Variants in ARHGEF5 observed in about 807,000 individuals in gnomAD.
ARHGEF5 encodes the protein Rho guanine nucleotide exchange factor (GEF) 5.
In ARHGEF5, 11 loss-of-function variants were observed where a neutral mutation model predicts 104.0. That is an observed-to-expected ratio of 0.11 (90% CI 0.07 to 0.18). ARHGEF5 has a LOEUF of 0.18. Ranked by LOEUF, ARHGEF5 falls within the 10% of genes least tolerant of loss-of-function variation. ARHGEF5 has a pLI of 1.00. For missense variants in ARHGEF5, 165 were observed against 1,335.4 expected (o/e 0.12, Z 13.66); for synonymous variants, 60 against 512.2 (o/e 0.12, Z 11.92).
At chr7:144,379,546 G>T (rs769571460) in intron 14 of ARHGEF5, among the ~76,000 whole-genome samples, 1 of 152,136 alleles carries the variant, frequency 6.6e-6, no homozygotes, top group African/African-American at 2.4e-5. Context: ...CTGTTATACT[G>T]GATTAATGGC....
chr7:144,358,833 C>A (rs1238862231), intron 1 of ARHGEF5, among the ~76,000 whole-genome samples: 1 of 128,390 alleles, frequency 7.8e-6, no homozygotes, highest in East Asian at 2.2e-4. Flanking sequence ...GGACAGTATT[C>A]TGAGCAGGTG....
rs7806384 is a variant in ARHGEF5 at position 144,380,078 on chromosome 7, G to T, written c.*22G>T. On this transcript the variant is annotated 3_prime_UTR_variant, in exon 15 of 15. Coordinates refer to ENST00000056217, the MANE Select transcript of ARHGEF5 (RefSeq NM_005435.4). ...CTAAGTCTTCTCTGAGAGGAGTTTC[G>T]TGAGCTGAAGAACAAGCTGCTCATG... The T allele has an allele frequency of 3.1e-6, 5 of 1,613,392 alleles. No individual in the cohort carries two copies. In the Admixed American group the frequency reaches 5.0e-5, roughly 16 times the overall value.
In ARHGEF5 at chr7:144,380,208, C is replaced by G. The variant is rs2053791424; in HGVS notation, c.*152C>G. On this transcript the variant is annotated 3_prime_UTR_variant, in exon 15 of 15. Coordinates refer to ENST00000056217, the MANE Select transcript of ARHGEF5 (RefSeq NM_005435.4). Reference sequence around the variant, plus strand: ...ATCCAGCTAACCCAGTCCCTCGGCCCAGGCCTCCTTTCGTGCTTTGTGCTT... The same window carrying G: ...ATCCAGCTAACCCAGTCCCTCGGCCGAGGCCTCCTTTCGTGCTTTGTGCTT... The G allele has an allele frequency of 5.0e-6, 5 of 992,802 alleles. No individual in the cohort carries two copies. The South Asian group carries it at 8.6e-5, about 17-fold the overall frequency. The allele number at this position is 992,802 out of a possible 1,614,324, so 61.5% of individuals were successfully genotyped here.
At position 144,380,042 on chromosome 7, in the gene ARHGEF5, G is replaced by A. The variant is rs755821434; in HGVS notation, c.4780G>A (p.Glu1594Lys). 5 of 1,614,194 alleles carry A rather than the reference G, an allele frequency of 3.1e-6. No homozygotes were observed. Among genetic ancestry groups the A allele is most frequent in the Admixed American group, 1.7e-5 (1 of 60,020 alleles). Reference sequence around the variant, plus strand: ...CAAGACTGCCAAACTACAGCTGGTGGAACAGCAAGCCTAAGTCTTCTCTGA... The same window carrying A: ...CAAGACTGCCAAACTACAGCTGGTGAAACAGCAAGCCTAAGTCTTCTCTGA... ...RVKTAKLQLV[E>K]QQA The change falls in exon 15 of 15, where the codon GAA becomes AAA. Residue 1594 changes from glutamate to lysine, a missense_variant. Glu to Lys is a moderately conservative substitution (Grantham distance 56). Coordinates refer to ENST00000056217, the MANE Select transcript of ARHGEF5 (RefSeq NM_005435.4).
Position 144,358,768 on chromosome 7 carries a change from T to A in ARHGEF5, c.-13+3267T>A, listed in dbSNP as rs2053614815. Among the ~76,000 whole-genome samples, 9 of 125,508 alleles carry A rather than the reference T, an allele frequency of 7.2e-5. 1 individual carries two copies. In the South Asian group the frequency reaches 2.6e-3, roughly 36 times the overall value. The allele number at this position is 125,508 out of a possible 152,430, so 82.3% of individuals were successfully genotyped here. On this transcript the variant is annotated intron_variant, in intron 1 of 14. Coordinates refer to ENST00000056217, the MANE Select transcript of ARHGEF5 (RefSeq NM_005435.4). ...TTGTAAGGATGGCTCAGTGTGTGTG[T>A]GTGTGTGTGTGTGTGTGTGTGTGTG...
Position 144,365,700 on chromosome 7 carries a change from TCAGGGAGGCCAC to T in ARHGEF5, c.3037_3048del (p.Arg1013_Gly1016del). The stretch of plus-strand genomic sequence containing the variant: ...GTCCAGCTGGCCCCACAGGCGGGAC[TCAGGGAGGCCAC>T]CAGGGGACAGCAGTGGACAGGCTGT... On this transcript the variant is annotated inframe_deletion, in exon 2 of 15. Transcript: ENST00000056217. 1 of 420,084 alleles carries T rather than the reference TCAGGGAGGCCAC, an allele frequency of 2.4e-6. No homozygotes were observed. Among genetic ancestry groups the T allele is most frequent in the Non-Finnish European group, 4.0e-6 (1 of 248,520 alleles). 26.0% of individuals were successfully genotyped at this position (420,084 alleles called of 1,614,324 possible). A position where few individuals can be genotyped will look rare whatever the true frequency, so the allele number is the denominator to read the frequency against.
At chr7:144,357,732 G>C (rs1372603251) in intron 1 of ARHGEF5, among the ~76,000 whole-genome samples, 11 of 151,862 alleles carry the variant, frequency 7.2e-5, no homozygotes, top group Admixed American at 1.3e-4. Context: ...TGTTGGGGGG[G>C]GCTCTAGGGA....
chr7:144,379,975 C>T lies in ARHGEF5; in HGVS notation c.4713C>T (p.Asn1571=). The part of the protein sequence containing the change: ...FPVQQVEFIS[N]PEVRAQNLKE... ...TGCAGCAGGTGGAGTTCATTTCCAA[C>T]CCAGAGGTCCGTGCACAGAACCTGA... Residue 1571 remains asparagine, a synonymous_variant, in exon 15 of 15, where the codon AAC becomes AAT. Transcript: ENST00000056217. 6.2e-7 allele frequency: 1 copy of T among 1,614,194 alleles called. No homozygotes were observed. Among genetic ancestry groups the T allele is most frequent in the Non-Finnish European group, 8.5e-7 (1 of 1,180,036 alleles).
intron 13 of ARHGEF5, among the ~76,000 whole-genome samples, chr7:144,377,761 A>G (rs144285527): frequency 6.6e-6 from 1 of 152,160 alleles, no homozygotes; most frequent in East Asian, 1.9e-4. Context: ...AGAGAATCTG[A>G]CCTCAACCCT....
In ARHGEF5 at chr7:144,378,786, G is replaced by C; in HGVS notation, c.4556G>C (p.Arg1519Pro). The change falls in exon 14 of 15, where the codon CGA becomes CCA. Residue 1519 changes from arginine (R) to proline (P), a missense_variant. Physicochemically the swap from Arg to Pro is moderately radical, Grantham distance 103. Coordinates refer to ENST00000056217, the MANE Select transcript of ARHGEF5 (RefSeq NM_005435.4). ...CYNSPQVQCLRAYKPRENDEL... is the reference protein window; with the variant it reads ...CYNSPQVQCLPAYKPRENDEL... ...GACTCCCCCCAGGTACAGTGCCTTCGAGCCTACAAGCCCCGAGAGAATGAT... is the reference window on the plus strand; with the variant it reads ...GACTCCCCCCAGGTACAGTGCCTTCCAGCCTACAAGCCCCGAGAGAATGAT... The C allele has an allele frequency of 2.5e-6, 4 of 1,613,882 alleles. No homozygotes were observed. Among genetic ancestry groups the C allele is most frequent in the Non-Finnish European group, 3.4e-6 (4 of 1,179,940 alleles).
chr7:144,373,135 T>A, intron 9 of ARHGEF5, 60 bp from the exon 10 acceptor site: 2 of 967,902 alleles, frequency 2.1e-6, no homozygotes, highest in South Asian at 1.4e-5. Flanking sequence ...TGCAAGGGAC[T>A]CAAAGGTCAA....
intron 5 of ARHGEF5, among the ~76,000 whole-genome samples, chr7:144,370,779 T>A (rs1285740029): frequency 6.9e-6 from 1 of 144,018 alleles, no homozygotes; most frequent in East Asian, 2.0e-4. Context: ...TTAGCTTTTT[T>A]AATATAAATT....
At chr7:144,378,927 GTGTT>G in intron 14 of ARHGEF5, 61 bp downstream of exon 14, 1 of 1,495,630 alleles carries the variant, frequency 6.7e-7, no homozygotes, top group Non-Finnish European at 9.3e-7. Context: ...TGCTGGGAGT[GTGTT>G]CACTTCCTGC....
At chr7:144,377,989 G>T (rs1210642237) in intron 13 of ARHGEF5, among the ~76,000 whole-genome samples, 2 of 152,092 alleles carry the variant, frequency 1.3e-5, no homozygotes, top group Non-Finnish European at 2.9e-5. Context: ...AAATAGTAAT[G>T]CAGTATTCCA....
intron 14 of ARHGEF5, 142 bp downstream of exon 14, chr7:144,379,008 C>A: frequency 2.4e-6 from 2 of 816,474 alleles, no homozygotes; most frequent in Non-Finnish European, 3.9e-6. Flanking sequence ...TCTCACAGTT[C>A]TGGAGGCAAG....
intron 13 of ARHGEF5, among the ~76,000 whole-genome samples, chr7:144,378,061 A>T (rs1447026042): frequency 6.6e-6 from 1 of 152,216 alleles, no homozygotes; most frequent in Non-Finnish European, 1.5e-5. Context: ...CCCACATATG[A>T]TGGAATACTG....
chr7:144,373,266 G>T lies in ARHGEF5; in HGVS notation c.4122G>T (p.Lys1374Asn). The T allele has an allele frequency of 6.9e-7, 1 of 1,450,312 alleles. No individual in the cohort carries two copies. Among genetic ancestry groups the T allele is most frequent in the East Asian group, 2.4e-5 (1 of 42,176 alleles). The allele number at this position is 1,450,312 out of a possible 1,614,324, so 89.8% of individuals were successfully genotyped here. The change falls in exon 10 of 15, where the codon AAG (lysine) becomes AAT (asparagine). Residue 1374 changes from lysine (K) to asparagine (N), a missense_variant. By Grantham distance (94) the Lys-to-Asn change is moderately conservative (BLOSUM62 0). Coordinates refer to ENST00000056217, the MANE Select transcript of ARHGEF5 (RefSeq NM_005435.4). Reference sequence around the variant, plus strand: ...AGGAACTAATCTACCTGAGCCAGAAGATTGAGTTTGAGTGCAAAGTGAGTC... The same window carrying T: ...AGGAACTAATCTACCTGAGCCAGAATATTGAGTTTGAGTGCAAAGTGAGTC... Reference protein sequence around the residue: ...RTEELIYLSQKIEFECKIFPL... With the variant: ...RTEELIYLSQNIEFECKIFPL...
At chr7:144,358,661 A>G (rs1301331385) in intron 1 of ARHGEF5, among the ~76,000 whole-genome samples, 2 of 45,762 alleles carry the variant, frequency 4.4e-5, no homozygotes, top group East Asian at 1.0e-3. Flanking sequence ...TGTCTCTGGG[A>G]TGGCCAGAAT....
chr7:144,379,816 A>C, intron 14 of ARHGEF5, 83 bp from the exon 15 acceptor site: 1 of 1,560,012 alleles, frequency 6.4e-7, no homozygotes, highest in South Asian at 1.2e-5. Flanking sequence ...CTGAGGATTC[A>C]GAAAACTCTC....
Sources: gnomAD v4.1 joint callset for allele counts (sites outside exome capture counted in the v4.1 genomes callset) on GRCh38, gnomAD v4.1.1 for gene constraint, MANE v1.5 for transcripts, NCBI Gene and HGNC (gene_info 2026-07-23, HGNC 2026-07-21) for gene names.